Variants in NPTXR observed in about 807,000 individuals in gnomAD.
NPTXR encodes the protein neuronal pentraxin receptor.
NPTXR carries 12 observed loss-of-function variants against 32.2 expected under a neutral mutation model. The ratio of observed to expected loss-of-function variants is 0.37; its 90% CI spans 0.24 to 0.60. The LOEUF is 0.60. Among genes scored for constraint, NPTXR ranks in the 20% least tolerant of loss-of-function variants. NPTXR has a pLI of 0.66. For synonymous variants in NPTXR, 323 were observed against 315.8 expected, an observed-to-expected ratio of 1.02 and a Z score of -0.24; for missense variants, 612 against 682.9, an observed-to-expected ratio of 0.90 and a Z score of 1.16.
chr22:38,830,885 C>CCT (rs1555882754), intron 1 of NPTXR, among the ~76,000 whole-genome samples: 1 of 151,984 alleles, frequency 6.6e-6, no homozygotes, highest in Non-Finnish European at 1.5e-5. Flanking sequence ...CATTATCCAC[C>CCT]CCCCCCACCT....
chr22:38,829,324 G>C (rs764680634), intron 1 of NPTXR, among the ~76,000 whole-genome samples: 21 of 152,120 alleles, frequency 1.4e-4, no homozygotes, highest in Non-Finnish European at 1.9e-4. Flanking sequence ...AGTGTTCAGA[G>C]TTCCCCATGA....
intron 3 of NPTXR, among the ~76,000 whole-genome samples, chr22:38,826,126 A>G (rs2093106234): frequency 6.6e-6 from 1 of 152,136 alleles, no homozygotes; most frequent in Admixed American, 6.5e-5. Flanking sequence ...TACAGGCATG[A>G]GCCAGTGCGC....
At chr22:38,841,304 G>T (rs2093131270) in intron 1 of NPTXR, among the ~76,000 whole-genome samples, 1 of 152,260 alleles carries the variant, frequency 6.6e-6, no homozygotes, top group Non-Finnish European at 1.5e-5. Flanking sequence ...AAGAGGAAAA[G>T]GTATACATGG....
chr22:38,826,426 G>T, intron 3 of NPTXR, 74 bp downstream of exon 3: 2 of 1,499,560 alleles, frequency 1.3e-6, no homozygotes, highest in East Asian at 2.3e-5. Flanking sequence ...GAGAATGAAA[G>T]AGCCCAGTGT....
rs1024597555 is a variant in NPTXR, at chr22:38,820,107, C to T, written c.*2502G>A. On this transcript the variant is annotated 3_prime_UTR_variant, in exon 5 of 5. Transcript: ENST00000333039. Reference sequence around the variant, plus strand: ...AACAGAAACACATCAAGCTTGGCGTCACTGAAATTGAAGTTCTGAATTCTG... The same window carrying T: ...AACAGAAACACATCAAGCTTGGCGTTACTGAAATTGAAGTTCTGAATTCTG... The T allele has an allele frequency of 3.3e-5, 5 of 152,636 alleles. No individual in the cohort carries two copies. Among genetic ancestry groups the T allele is most frequent in the Admixed American group, 6.5e-5 (1 of 15,288 alleles). The allele number at this position is 152,636 out of a possible 1,614,324, so 9.5% of individuals were successfully genotyped here. A position where few individuals can be genotyped will look rare whatever the true frequency, so the allele number is the denominator to read the frequency against.
chr22:38,822,239 C>A lies in NPTXR; in HGVS notation c.*370G>T. 3.8e-6 allele frequency: 1 copy of A among 260,718 alleles called. No individual in the cohort carries two copies. The highest frequency in any genetic ancestry group is 7.6e-6 in the Non-Finnish European group (1 of 132,426). 16.2% of individuals were successfully genotyped at this position (260,718 alleles called of 1,614,324 possible). On this transcript the variant is annotated 3_prime_UTR_variant, in exon 5 of 5. Coordinates refer to ENST00000333039, the MANE Select transcript of NPTXR (RefSeq NM_014293.4). ...GGGGACAAGGGGGCGGGCGGCCACC[C>A]CCACCACTGAGATAGTGGGGTCCCC...
In NPTXR at chr22:38,834,511, G is replaced by C. The variant is rs558322253; in HGVS notation, c.625-5999C>G. ...CCAGATGGCAGCTTCCCTGATGCCTGAACTGAGATGCTCTATAGAGAGAGA... is the reference window on the plus strand; with the variant it reads ...CCAGATGGCAGCTTCCCTGATGCCTCAACTGAGATGCTCTATAGAGAGAGA... On this transcript the variant is annotated intron_variant, in intron 1 of 4. Transcript: ENST00000333039. This position sits in a 1 kb window ranked among gnomAD's most constrained non-coding sequence, Gnocchi z 4.4. 7.1e-6 allele frequency among the ~76,000 whole-genome samples: 1 copy of C among 141,762 alleles called. No individual in the cohort carries two copies. Among genetic ancestry groups the C allele is most frequent in the East Asian group, 2.1e-4 (1 of 4,804 alleles). 93.0% of individuals were successfully genotyped at this position (141,762 alleles called of 152,430 possible).
At chr22:38,824,890 C>T (rs1258891538) in intron 3 of NPTXR, among the ~76,000 whole-genome samples, 1 of 152,196 alleles carries the variant, frequency 6.6e-6, no homozygotes, top group Non-Finnish European at 1.5e-5. Flanking sequence ...CCTCCTCCCC[C>T]TCCAGAATGC....
At position 38,821,540 on chromosome 22, in the gene NPTXR, C is replaced by G. The variant is rs981027947; in HGVS notation, c.*1069G>C. On this transcript the variant is annotated 3_prime_UTR_variant, in exon 5 of 5. Transcript: ENST00000333039. Reference sequence around the variant, plus strand: ...CAATCTGGAGAGCAAATGACCAAAGCGAGGGCCTCAGCTCACGAATGAGGA... The same window carrying G: ...CAATCTGGAGAGCAAATGACCAAAGGGAGGGCCTCAGCTCACGAATGAGGA... 1.3e-5 allele frequency: 2 copies of G among 152,418 alleles called. No homozygotes were observed. The highest frequency in any genetic ancestry group is 1.3e-4 in the Admixed American group (2 of 15,274). 9.4% of individuals were successfully genotyped at this position (152,418 alleles called of 1,614,324 possible).
Position 38,819,181 on chromosome 22 carries a change from G to C in NPTXR, c.*3428C>G, listed in dbSNP as rs2093092640. 6.6e-6 allele frequency: 1 copy of C among 152,286 alleles called. No homozygotes were observed. The highest frequency in any genetic ancestry group is 1.5e-5 in the Non-Finnish European group (1 of 68,066). The allele number at this position is 152,286 out of a possible 1,614,324, so 9.4% of individuals were successfully genotyped here. On this transcript the variant is annotated 3_prime_UTR_variant, in exon 5 of 5. Coordinates refer to ENST00000333039, the MANE Select transcript of NPTXR (RefSeq NM_014293.4). ...ACAGCTGGGAAGCAACTGGTGCAGG[G>C]CTTGGCCCCAAGCAAGAGTTGGAGA...
chr22:38,822,666 G>A lies in NPTXR; in HGVS notation c.1446C>T (p.Ala482=), dbSNP rs374345709. 1.9e-6 allele frequency: 3 copies of A among 1,613,964 alleles called. No individual in the cohort carries two copies. Among genetic ancestry groups the A allele is most frequent in the African/African-American group, 1.3e-5 (1 of 74,928 alleles). Reference sequence around the variant, plus strand: ...AGGCAGCCTTTGTTGCACCCCCAAAGGCCTCCACCAACTTGTCTTCCCAGG... The same window carrying A: ...AGGCAGCCTTTGTTGCACCCCCAAAAGCCTCCACCAACTTGTCTTCCCAGG... Residue 482 remains alanine (A), a synonymous_variant, in exon 5 of 5, where the codon GCC becomes GCT. Transcript: ENST00000333039.
chr22:38,841,757 CA>C (rs2093131968), intron 1 of NPTXR, among the ~76,000 whole-genome samples: 1 of 152,184 alleles, frequency 6.6e-6, no homozygotes, highest in African/African-American at 2.4e-5. Flanking sequence ...CCTAATATCC[CA>C]GTGAGGTAGG....
In NPTXR at chr22:38,822,622, C is replaced by T. The variant is rs1277605570; in HGVS notation, c.1490G>A (p.Arg497Lys). 3.1e-6 allele frequency: 5 copies of T among 1,611,372 alleles called. No homozygotes were observed. The highest frequency in any genetic ancestry group is 1.8e-4 in the Middle Eastern group (1 of 5,548). ...TGAGGTGGCCCCTCATGCCTTGGCC[C>T]TCCCCTTGCAGACATCGAAGGCAGC... The change falls in exon 5 of 5, where the codon AGG becomes AAG. Residue 497 changes from arginine to lysine, a missense_variant. Transcript: ENST00000333039.
intron 2 of NPTXR, 24 bp downstream of exon 2, chr22:38,828,263 C>A: frequency 3.8e-6 from 6 of 1,590,162 alleles, no homozygotes; most frequent in Non-Finnish European, 5.2e-6. Flanking sequence ...CCCTCCAATG[C>A]CCTCTGCAGG....
intron 1 of NPTXR, among the ~76,000 whole-genome samples, chr22:38,833,194 A>G (rs1276314724): frequency 6.6e-6 from 1 of 152,164 alleles, no homozygotes; most frequent in Non-Finnish European, 1.5e-5. Context: ...TCACCCAGGT[A>G]GTGGTACTCC....
In NPTXR at chr22:38,822,003, C is replaced by CA. The variant is rs2146189354; in HGVS notation, c.*605dup. ...GGGGCTGGGCCAGGCATGGAACCAA[C>CA]ATTCAAACCGCTACACACAAAGAGA... On this transcript the variant is annotated 3_prime_UTR_variant, in exon 5 of 5. Transcript: ENST00000333039. 7.6e-6 allele frequency: 1 copy of CA among 132,022 alleles called. No individual in the cohort carries two copies. Among genetic ancestry groups the CA allele is most frequent in the East Asian group, 2.3e-4 (1 of 4,338 alleles). 8.2% of individuals were successfully genotyped at this position (132,022 alleles called of 1,614,324 possible).
At chr22:38,824,181 C>T (rs967200869) in intron 3 of NPTXR, among the ~76,000 whole-genome samples, 4 of 145,644 alleles carry the variant, frequency 2.7e-5, no homozygotes, top group African/African-American at 7.7e-5. Flanking sequence ...GTAGAAACGG[C>T]GGGATTTCAC....
intron 1 of NPTXR, among the ~76,000 whole-genome samples, chr22:38,829,859 C>T (rs550466997): frequency 6.6e-6 from 1 of 152,228 alleles, no homozygotes; most frequent in Non-Finnish European, 1.5e-5. Flanking sequence ...GATGGCCTTG[C>T]AGCCTGGGAC....
chr22:38,839,694 T>C (rs961513577), intron 1 of NPTXR, among the ~76,000 whole-genome samples: 1 of 148,442 alleles, frequency 6.7e-6, no homozygotes, highest in Admixed American at 6.7e-5. Flanking sequence ...TACCCAGTAA[T>C]ACCACTCCTG....
Sources: gnomAD v4.1 joint callset for allele counts (sites outside exome capture counted in the v4.1 genomes callset) on GRCh38, gnomAD v4.1.1 for gene constraint, Gnocchi (gnomAD v3.1) non-coding constraint, MANE v1.5 for transcripts, NCBI Gene and HGNC (gene_info 2026-07-23, HGNC 2026-07-21) for gene names.